Variants in DEPDC1B observed in about 807,000 individuals in gnomAD.
DEPDC1B encodes DEP domain-containing protein 1B.
DEPDC1B carries 51 observed loss-of-function variants against 66.5 expected under a neutral mutation model. That is an observed-to-expected ratio of 0.77 (90% CI 0.61 to 0.97). DEPDC1B has a LOEUF of 0.97. Ranked by LOEUF, DEPDC1B falls within the 50% of genes least tolerant of loss-of-function variation. The pLI is 0.00. For synonymous variants in DEPDC1B, 226 were observed against 223.6 expected, an observed-to-expected ratio of 1.01 and a Z score of -0.10; for missense variants, 552 against 637.1, an observed-to-expected ratio of 0.87 and a Z score of 1.44.
At chr5:60,642,094 C>G (rs1276536188) in intron 6 of DEPDC1B, among the ~76,000 whole-genome samples, 1 of 152,078 alleles carries the variant, frequency 6.6e-6, no homozygotes, top group Non-Finnish European at 1.5e-5. Context: ...TACTAATTCA[C>G]GAATTTAAAG....
At chr5:60,620,230 G>A (rs1412220035) in intron 7 of DEPDC1B, among the ~76,000 whole-genome samples, 3 of 152,148 alleles carry the variant, frequency 2.0e-5, no homozygotes, top group Admixed American at 1.3e-4. Context: ...ATAGGCATGG[G>A]CAAGGACTTC....
chr5:60,676,805 C>A (rs1754172673), intron 2 of DEPDC1B, among the ~76,000 whole-genome samples: 1 of 152,220 alleles, frequency 6.6e-6, no homozygotes, highest in Admixed American at 6.5e-5. Context: ...CTCCAGTCCA[C>A]ACCAACTGGA....
At chr5:60,657,597 T>G (rs183712949) in intron 2 of DEPDC1B, among the ~76,000 whole-genome samples, 2 of 152,308 alleles carry the variant, frequency 1.3e-5, no homozygotes, top group Admixed American at 1.3e-4. Flanking sequence ...ATTATTTTGT[T>G]TAAGGAGGTT....
chr5:60,617,404 A>G (rs1752584867), intron 7 of DEPDC1B, among the ~76,000 whole-genome samples: 1 of 152,188 alleles, frequency 6.6e-6, no homozygotes. Context: ...TCTCACATGC[A>G]GAGACACACA....
chr5:60,678,618 C>G (rs189475393), intron 2 of DEPDC1B, among the ~76,000 whole-genome samples: 14 of 152,260 alleles, frequency 9.2e-5, no homozygotes, highest in African/African-American at 3.4e-4. Flanking sequence ...TTGTATCTCC[C>G]TAGGGCTTTA....
intron 2 of DEPDC1B, among the ~76,000 whole-genome samples, chr5:60,660,602 A>G (rs1753691523): frequency 6.6e-6 from 1 of 152,238 alleles, no homozygotes; most frequent in South Asian, 2.1e-4. Context: ...CTTTGCTAGC[A>G]GAAGAAAGTA....
chr5:60,678,776 T>C (rs1754227489), intron 2 of DEPDC1B, among the ~76,000 whole-genome samples: 1 of 152,248 alleles, frequency 6.6e-6, no homozygotes, highest in Admixed American at 6.5e-5. Flanking sequence ...TGATGAGCTC[T>C]TTACATATTC....
chr5:60,603,670 A>C, intron 8 of DEPDC1B, 103 bp from the exon 9 acceptor site: 1 of 1,225,728 alleles, frequency 8.2e-7, no homozygotes, highest in Non-Finnish European at 1.1e-6. Context: ...TCTAAGGCAC[A>C]GGGTGCATAT....
At chr5:60,611,028 T>C (rs1752405323) in intron 7 of DEPDC1B, among the ~76,000 whole-genome samples, 1 of 152,246 alleles carries the variant, frequency 6.6e-6, no homozygotes, top group African/African-American at 2.4e-5. Context: ...GCAGGTATTA[T>C]GTTTTTTACA....
intron 2 of DEPDC1B, among the ~76,000 whole-genome samples, chr5:60,685,631 G>T (rs1364850218): frequency 1.3e-5 from 2 of 152,036 alleles, no homozygotes; most frequent in Non-Finnish European, 2.9e-5. Context: ...GGACTCGATG[G>T]GAGGTACCCA....
intron 7 of DEPDC1B, among the ~76,000 whole-genome samples, chr5:60,637,931 C>T (rs946336753): frequency 1.1e-4 from 16 of 151,808 alleles, no homozygotes; most frequent in South Asian, 4.2e-4. Flanking sequence ...AATGAAAGAA[C>T]GACATAGAGA....
chr5:60,623,930 G>C (rs1009413840), intron 7 of DEPDC1B, among the ~76,000 whole-genome samples: 2 of 151,930 alleles, frequency 1.3e-5, no homozygotes, highest in Non-Finnish European at 2.9e-5. Context: ...AGATTTCTTG[G>C]GATTTTTGAT....
At chr5:60,643,634 G>A (rs919703406) in intron 5 of DEPDC1B, among the ~76,000 whole-genome samples, 1 of 152,188 alleles carries the variant, frequency 6.6e-6, no homozygotes, top group Non-Finnish European at 1.5e-5. Context: ...AATGAAAGAT[G>A]ATTGATCATC....
At chr5:60,644,681 C>G (rs1389789292) in intron 5 of DEPDC1B, 64 bp downstream of exon 5, 3 of 1,395,420 alleles carry the variant, frequency 2.1e-6, no homozygotes, top group East Asian at 2.4e-5. Context: ...CAGAAAGGAG[C>G]TGATGGACCT....
intron 8 of DEPDC1B, 112 bp downstream of exon 8, chr5:60,605,578 G>C: frequency 2.6e-6 from 3 of 1,167,962 alleles, no homozygotes; most frequent in Non-Finnish European, 3.5e-6. Context: ...ACTGACTGTG[G>C]CTCTTTTAAG....
At chr5:60,666,449 C>A (rs568278834) in intron 2 of DEPDC1B, among the ~76,000 whole-genome samples, 2 of 152,074 alleles carry the variant, frequency 1.3e-5, no homozygotes, top group South Asian at 2.1e-4. Context: ...GAACAAAGAC[C>A]CCCCCCATAA....
At chr5:60,645,270 T>C (rs958988389) in intron 4 of DEPDC1B, among the ~76,000 whole-genome samples, 13 of 152,216 alleles carry the variant, frequency 8.5e-5, no homozygotes, top group Non-Finnish European at 1.8e-4. Flanking sequence ...CTATTATGTG[T>C]CTTATTACTC....
At chr5:60,661,623 G>A (rs1435232704) in intron 2 of DEPDC1B, among the ~76,000 whole-genome samples, 1 of 152,150 alleles carries the variant, frequency 6.6e-6, no homozygotes, top group African/African-American at 2.4e-5. Flanking sequence ...TTTTACAAGG[G>A]CTAGGACAAT....
chr5:60,645,217 A>G (rs1753284046), intron 4 of DEPDC1B, among the ~76,000 whole-genome samples: 1 of 152,224 alleles, frequency 6.6e-6, no homozygotes, highest in Non-Finnish European at 1.5e-5. Flanking sequence ...ATGATTGTTA[A>G]CTTTATACAT....
Sources: gnomAD v4.1 joint callset for allele counts (sites outside exome capture counted in the v4.1 genomes callset) on GRCh38, gnomAD v4.1.1 for gene constraint, MANE v1.5 for transcripts, NCBI Gene and HGNC (gene_info 2026-07-23, HGNC 2026-07-21) for gene names.